Variants in ATXN2 observed in about 807,000 individuals in gnomAD.
ATXN2 encodes ataxin-2.
In ATXN2, 37 loss-of-function variants were observed where a neutral mutation model predicts 138.6. The ratio of observed to expected loss-of-function variants is 0.27; its 90% CI spans 0.21 to 0.35. ATXN2 has a LOEUF of 0.35. ATXN2 is among the 10% of genes least tolerant of loss of function. The pLI is 1.00. For synonymous variants in ATXN2, 549 were observed against 543.7 expected (o/e 1.01, Z -0.13); for missense variants, 1,216 against 1,480.3 (o/e 0.82, Z 2.93).
chr12:111,599,166 G>A lies in ATXN2; in HGVS notation c.-132C>T. 8.3e-7 allele frequency: 1 copy of A among 1,206,316 alleles called. No homozygotes were observed. The highest frequency in any genetic ancestry group is 1.0e-6 in the Non-Finnish European group (1 of 972,454). 74.7% of individuals were successfully genotyped at this position (1,206,316 alleles called of 1,614,324 possible). On this transcript the variant is annotated 5_prime_UTR_variant, in exon 1 of 25. Coordinates refer to ENST00000673436, the MANE Select transcript of ATXN2 (RefSeq NM_001372574.1). ...GAGGCGCGGGTTGGCGCGGCCGGAG[G>A]GGCGCCCGGGCTGGCGAGGGGGAGA...
intron 1 of ATXN2, among the ~76,000 whole-genome samples, chr12:111,593,610 TAAA>T (rs796284474): frequency 7.1e-6 from 1 of 141,116 alleles, no homozygotes; most frequent in African/African-American, 2.5e-5. Flanking sequence ...ATTTTTCTCT[TAAA>T]AAAAAAAAAA....
Position 111,485,713 on chromosome 12 carries a change from T to C in ATXN2, c.2457A>G (p.Gln819=), listed in dbSNP as rs1877590361. Residue 819 remains glutamine (Q), a splice_region_variant and synonymous_variant, in exon 17 of 25, where the codon CAA becomes CAG. Transcript: ENST00000673436. ...MYPVPVSPGV[Q]PLYPIPMTPM... ...GTGAACATCAAATTCTATGACTTACTTGCACGCCTGGGCTCACTGGGACTG... is the reference window on the plus strand; with the variant it reads ...GTGAACATCAAATTCTATGACTTACCTGCACGCCTGGGCTCACTGGGACTG... 6.2e-7 allele frequency: 1 copy of C among 1,613,772 alleles called. No individual in the cohort carries two copies. Among genetic ancestry groups the C allele is most frequent in the African/African-American group, 1.3e-5 (1 of 74,910 alleles).
chr12:111,541,776 G>GAT lies in ATXN2; in HGVS notation c.571+10502_571+10503dup, dbSNP rs140277173. Among the ~76,000 whole-genome samples the GAT allele has an allele frequency of 2.4e-3, 344 of 144,452 alleles. 16 individuals are homozygous for GAT. Among genetic ancestry groups the GAT allele is most frequent in the Middle Eastern group, 0.011 (3 of 280 alleles). 94.8% of individuals were successfully genotyped at this position (144,452 alleles called of 152,430 possible). A position where few individuals can be genotyped will look rare whatever the true frequency, so the allele number is the denominator to read the frequency against. Reference sequence around the variant, plus strand: ...CATTTTGTCAATTTCTACAAAAACGGATATATATATATATATTATAAAAAT... The same window carrying GAT: ...CATTTTGTCAATTTCTACAAAAACGGATATATATATATATATATTATAAAAAT... On this transcript the variant is annotated intron_variant, in intron 5 of 24. Transcript: ENST00000673436.
At chr12:111,465,508 A>G (rs983585006) in intron 20 of ATXN2, among the ~76,000 whole-genome samples, 4 of 152,060 alleles carry the variant, frequency 2.6e-5, no homozygotes, top group Admixed American at 6.6e-5. Context: ...GTGGTGGCTC[A>G]CATCTGTAAT....
At position 111,462,967 on chromosome 12, in the gene ATXN2, T is replaced by TACACACAC. The variant is rs201459505; in HGVS notation, c.2896+1694_2896+1695insGTGTGTGT. 8.3e-3 allele frequency among the ~76,000 whole-genome samples: 1,111 copies of TACACACAC among 134,630 alleles called. 16 individuals carry two copies. The highest frequency in any genetic ancestry group is 0.031 in the African/African-American group (1,070 of 34,400). 88.3% of individuals were successfully genotyped at this position (134,630 alleles called of 152,430 possible). A position where few individuals can be genotyped will look rare whatever the true frequency, so the allele number is the denominator to read the frequency against. ...TAAATTATATATACACACATACATA[T>TACACACAC]ATATATATATACACACACACACACA... is the stretch of plus-strand genomic sequence containing the variant. On this transcript the variant is annotated intron_variant, in intron 21 of 24. Transcript: ENST00000673436.
In ATXN2 at chr12:111,516,495, G is replaced by A. The variant is rs1879862768; in HGVS notation, c.1166-132C>T. On this transcript the variant is annotated intron_variant, in intron 9 of 24. Transcript: ENST00000673436. This position sits in a 1 kb window ranked among gnomAD's most constrained non-coding sequence, Gnocchi z 5.0. ...TTTAACCCTTTGAGGACAGTCATTT[G>A]ATTTGTGATAAGTTTTAGCATAACT... is the stretch of plus-strand genomic sequence containing the variant. 1.2e-6 allele frequency: 1 copy of A among 861,546 alleles called. No homozygotes were observed. Among genetic ancestry groups the A allele is most frequent in the Non-Finnish European group, 1.8e-6 (1 of 569,698 alleles). 53.4% of individuals were successfully genotyped at this position (861,546 alleles called of 1,614,324 possible).
intron 14 of ATXN2, among the ~76,000 whole-genome samples, chr12:111,498,431 A>C (rs1878563235): frequency 6.6e-6 from 1 of 152,220 alleles, no homozygotes; most frequent in Admixed American, 6.5e-5. Context: ...ATTTAACAGC[A>C]AACAATCTGA....
chr12:111,559,961 G>GAATC (rs1411878261), intron 1 of ATXN2, among the ~76,000 whole-genome samples: 1 of 152,168 alleles, frequency 6.6e-6, no homozygotes, highest in Non-Finnish European at 1.5e-5. Flanking sequence ...GGTAGGAGGA[G>GAATC]AATCATTGGA....
At chr12:111,460,493 A>G (rs1475689105) in intron 21 of ATXN2, among the ~76,000 whole-genome samples, 1 of 152,154 alleles carries the variant, frequency 6.6e-6, no homozygotes, top group South Asian at 2.1e-4. Context: ...TAACAATCTA[A>G]ATCTGTCTAA....
chr12:111,479,655 C>T (rs781203246), intron 18 of ATXN2, among the ~76,000 whole-genome samples: 10 of 152,086 alleles, frequency 6.6e-5, no homozygotes, highest in Non-Finnish European at 1.3e-4. Context: ...CGTCCTGGGA[C>T]GGCTTTGAAT....
At chr12:111,556,586 G>T (rs1429481010) in intron 1 of ATXN2, among the ~76,000 whole-genome samples, 1 of 152,098 alleles carries the variant, frequency 6.6e-6, no homozygotes, top group Non-Finnish European at 1.5e-5. Context: ...GGGAGGCAGA[G>T]GTGGGCAGAT....
chr12:111,533,998 C>T (rs1422406638), intron 5 of ATXN2, among the ~76,000 whole-genome samples: 1 of 150,700 alleles, frequency 6.6e-6, no homozygotes, highest in Admixed American at 6.6e-5. Context: ...GGTATCATGC[C>T]TATGTAAGAG....
chr12:111,505,303 C>G lies in ATXN2; in HGVS notation c.1935+4246G>C, dbSNP rs1476810021. Among the ~76,000 whole-genome samples the G allele has an allele frequency of 2.0e-5, 3 of 152,060 alleles. No individual in the cohort carries two copies. In the East Asian group the frequency reaches 5.8e-4, roughly 29 times the overall value. ...TAATAAACCTTAATGATTGATGAAA[C>G]AGTATTTTCTTAGATACGACACCAA... On this transcript the variant is annotated intron_variant, in intron 14 of 24. Coordinates refer to ENST00000673436, the MANE Select transcript of ATXN2 (RefSeq NM_001372574.1).
intron 5 of ATXN2, among the ~76,000 whole-genome samples, chr12:111,529,648 G>A (rs1262428429): frequency 6.6e-6 from 1 of 152,040 alleles, no homozygotes; most frequent in African/African-American, 2.4e-5. Flanking sequence ...GAAATGTCTC[G>A]ACCAACGTGT....
At chr12:111,536,008 A>AG (rs1451459125) in intron 5 of ATXN2, among the ~76,000 whole-genome samples, 1 of 151,986 alleles carries the variant, frequency 6.6e-6, no homozygotes, top group East Asian at 1.9e-4. Context: ...TCAAAAAAAA[A>AG]AAAAAAAACA....
At chr12:111,572,034 T>C (rs1883348780) in intron 1 of ATXN2, among the ~76,000 whole-genome samples, 2 of 141,786 alleles carry the variant, frequency 1.4e-5, no homozygotes, top group African/African-American at 5.2e-5. Flanking sequence ...AAAGGGGCTT[T>C]TAAAATATGT....
chr12:111,540,696 C>CTT (rs11462759), intron 5 of ATXN2, among the ~76,000 whole-genome samples: 40 of 126,246 alleles, frequency 3.2e-4, no homozygotes, highest in East Asian at 1.1e-3. Context: ...ACGTCTAAGT[C>CTT]TTTTTTTTTT....
chr12:111,489,683 A>G (rs1166828430), intron 14 of ATXN2, among the ~76,000 whole-genome samples: 1 of 151,962 alleles, frequency 6.6e-6, no homozygotes, highest in Non-Finnish European at 1.5e-5. Context: ...GCCCTTTGGG[A>G]GGCTGAGACA....
intron 1 of ATXN2, among the ~76,000 whole-genome samples, chr12:111,571,410 A>G (rs761836780): frequency 1.9e-4 from 29 of 152,208 alleles, no homozygotes; most frequent in Non-Finnish European, 3.5e-4. Flanking sequence ...TGTACTAGAC[A>G]AAGTTAAGTT....
Sources: gnomAD v4.1 joint callset for allele counts (sites outside exome capture counted in the v4.1 genomes callset) on GRCh38, gnomAD v4.1.1 for gene constraint, Gnocchi (gnomAD v3.1) non-coding constraint, MANE v1.5 for transcripts, NCBI Gene and HGNC (gene_info 2026-07-23, HGNC 2026-07-21) for gene names.